Variants in JARID2 observed in about 807,000 individuals in gnomAD.
The protein encoded by JARID2 is protein Jumonji.
A neutral mutation model predicts 125.6 loss-of-function variants in JARID2; 21 were observed. The ratio of observed to expected loss-of-function variants is 0.17; its 90% confidence interval spans 0.12 to 0.24. JARID2 has a LOEUF of 0.24. Among genes scored for constraint, JARID2 ranks in the 10% least tolerant of loss-of-function variants. The pLI, the probability that JARID2 is intolerant of heterozygous loss-of-function variation, is 1.00. For synonymous variants in JARID2, 736 were observed against 661.6 expected (o/e 1.11, Z -1.73); for missense variants, 1,303 against 1,639.6 (o/e 0.79, Z 3.55).
chr6:15,416,607 A>G (rs1313742691), intron 3 of JARID2, among the ~76,000 whole-genome samples: 2 of 151,574 alleles, frequency 1.3e-5, no homozygotes, highest in East Asian at 2.0e-4. Flanking sequence ...AGAATCAGGC[A>G]GGGAGGCTGC....
intron 5 of JARID2, among the ~76,000 whole-genome samples, chr6:15,477,406 G>A (rs1256229704): frequency 1.3e-5 from 2 of 151,368 alleles, no homozygotes; most frequent in Non-Finnish European, 2.9e-5. Context: ...GAGAACATGT[G>A]ATATTCTCTT....
intron 4 of JARID2, 147 bp downstream of exon 4, chr6:15,452,322 C>T (rs1488760455): frequency 8.1e-7 from 1 of 1,229,196 alleles, no homozygotes; most frequent in Non-Finnish European, 1.1e-6. Context: ...GTGAGAAATC[C>T]CACCGAGAGA....
At chr6:15,307,371 C>T (rs947874164) in intron 1 of JARID2, among the ~76,000 whole-genome samples, 8 of 152,036 alleles carry the variant, frequency 5.3e-5, no homozygotes, top group East Asian at 1.9e-4. Context: ...CACAGGCATA[C>T]GGCACCATTT....
At chr6:15,413,923 G>C (rs1177672754) in intron 3 of JARID2, among the ~76,000 whole-genome samples, 1 of 152,160 alleles carries the variant, frequency 6.6e-6, no homozygotes. Context: ...ATGAACTTTG[G>C]GGGCCACATT....
intron 7 of JARID2, among the ~76,000 whole-genome samples, chr6:15,499,752 A>AC (rs1770641267): frequency 6.6e-6 from 1 of 151,368 alleles, no homozygotes; most frequent in South Asian, 2.1e-4. Flanking sequence ...TGTTACCCCA[A>AC]CTCCCCTGTT....
rs78516136 is a variant in JARID2 at position 15,365,895 on chromosome 6, T to C, written c.46-8222T>C. On this transcript the variant is annotated intron_variant, in intron 1 of 17. Coordinates refer to ENST00000341776, the MANE Select transcript of JARID2 (RefSeq NM_004973.4). Reference sequence around the variant, plus strand: ...TGTGAATGTTACTCAGGCTTCACTTTATTTGAATATTGACAGACTACTTTT... The same window carrying C: ...TGTGAATGTTACTCAGGCTTCACTTCATTTGAATATTGACAGACTACTTTT... 9.9e-3 allele frequency among the ~76,000 whole-genome samples: 1,503 copies of C among 152,324 alleles called. 58 individuals carry two copies. The highest frequency in any genetic ancestry group is 0.075 in the East Asian group (390 of 5,184).
At chr6:15,311,929 A>G (rs1762027975) in intron 1 of JARID2, among the ~76,000 whole-genome samples, 1 of 152,170 alleles carries the variant, frequency 6.6e-6, no homozygotes, top group Non-Finnish European at 1.5e-5. Flanking sequence ...GGCTTTTGGC[A>G]TTAACTTTTA....
intron 8 of JARID2, among the ~76,000 whole-genome samples, chr6:15,501,657 C>G (rs917422283): frequency 1.3e-5 from 2 of 152,096 alleles, no homozygotes; most frequent in African/African-American, 4.8e-5. Flanking sequence ...AGTCCAATAT[C>G]GAGGAACCTA....
chr6:15,437,985 G>A (rs1348413622), intron 3 of JARID2, among the ~76,000 whole-genome samples: 4 of 152,132 alleles, frequency 2.6e-5, no homozygotes, highest in Non-Finnish European at 4.4e-5. Flanking sequence ...TTTTGTCAGT[G>A]TCTGTTAGTA....
rs182768323 is a variant in JARID2, at chr6:15,500,433, G to A, written c.1946-474G>A. Among the ~76,000 whole-genome samples, 101 of 152,266 alleles carry A rather than the reference G, an allele frequency of 6.6e-4. 1 individual carries two copies. Among genetic ancestry groups the A allele is most frequent in the Non-Finnish European group, 6.3e-4 (43 of 68,024 alleles). ...TTGGGAATTATAGAAGGGGAATTGG[G>A]AGTTGGTAACAAGCATGTGTCAAAG... On this transcript the variant is annotated intron_variant, in intron 7 of 17. Coordinates refer to ENST00000341776, the MANE Select transcript of JARID2 (RefSeq NM_004973.4).
chr6:15,382,711 G>A (rs1416486797), intron 2 of JARID2, among the ~76,000 whole-genome samples: 3 of 152,238 alleles, frequency 2.0e-5, no homozygotes. Context: ...TCCAATTTAA[G>A]TGACAGTGAG....
At chr6:15,400,007 C>G (rs1290226493) in intron 2 of JARID2, among the ~76,000 whole-genome samples, 2 of 152,188 alleles carry the variant, frequency 1.3e-5, no homozygotes, top group East Asian at 3.9e-4. Context: ...GATGTGTACT[C>G]CAGTTGTCTG....
rs552414548 is a variant in JARID2, at chr6:15,457,877, G to C, written c.493+5702G>C. Among the ~76,000 whole-genome samples the C allele has an allele frequency of 7.2e-5, 11 of 152,258 alleles. No individual in the cohort carries two copies. The South Asian group carries it at 1.9e-3, about 26-fold the overall frequency. On this transcript the variant is annotated intron_variant, in intron 4 of 17. Coordinates refer to ENST00000341776, the MANE Select transcript of JARID2 (RefSeq NM_004973.4). ...AGCTTTAGAAATCTAAAACAAATTT[G>C]TTTTAAGACACTACCAGCTAAGTCT...
intron 2 of JARID2, among the ~76,000 whole-genome samples, chr6:15,403,753 G>T (rs902511700): frequency 6.6e-6 from 1 of 152,154 alleles, no homozygotes; most frequent in Non-Finnish European, 1.5e-5. Flanking sequence ...GATTCTGGTG[G>T]TGGTGAGAGA....
intron 1 of JARID2, among the ~76,000 whole-genome samples, chr6:15,258,611 G>C (rs780439386): frequency 1.3e-5 from 2 of 152,172 alleles, no homozygotes; most frequent in Non-Finnish European, 2.9e-5. Context: ...GTGAAAACCT[G>C]TCTCTACTGA....
At chr6:15,253,492 G>GTCACTTCTT (rs1759534665) in intron 1 of JARID2, among the ~76,000 whole-genome samples, 1 of 152,166 alleles carries the variant, frequency 6.6e-6, no homozygotes, top group East Asian at 1.9e-4. Flanking sequence ...TCTTGCAGGT[G>GTCACTTCTT]GCTTTTGTCT....
At chr6:15,476,927 T>C (rs1414784425) in intron 5 of JARID2, among the ~76,000 whole-genome samples, 1 of 152,216 alleles carries the variant, frequency 6.6e-6, no homozygotes, top group Non-Finnish European at 1.5e-5. Flanking sequence ...AATAAATGCC[T>C]TTGGAATGAG....
chr6:15,366,561 C>T (rs1763987351), intron 1 of JARID2, among the ~76,000 whole-genome samples: 1 of 149,372 alleles, frequency 6.7e-6, no homozygotes, highest in Non-Finnish European at 1.5e-5. Context: ...ATTGCCATGT[C>T]TTAGCATTTC....
chr6:15,262,231 G>T, intron 1 of JARID2, among the ~76,000 whole-genome samples: 1 of 150,928 alleles, frequency 6.6e-6, no homozygotes, highest in East Asian at 1.9e-4. Flanking sequence ...TTCCTCGGTG[G>T]GTCTTAAACT....
Sources: gnomAD v4.1 joint callset for allele counts (sites outside exome capture counted in the v4.1 genomes callset) on GRCh38, gnomAD v4.1.1 for gene constraint, MANE v1.5 for transcripts, NCBI Gene and HGNC (gene_info 2026-07-23, HGNC 2026-07-21) for gene names.